Variants in HIC2 observed in about 807,000 individuals in gnomAD.
The protein encoded by HIC2 is hypermethylated in cancer 2 protein.
A neutral mutation model predicts 39.5 loss-of-function variants in HIC2; 2 were observed. The ratio of observed to expected loss-of-function variants is 0.05; its 90% CI spans 0.02 to 0.16. The LOEUF (loss-of-function observed/expected upper bound fraction) is 0.16. Ranked by LOEUF, HIC2 falls within the 10% of genes least tolerant of loss-of-function variation. The pLI is 1.00. For missense variants in HIC2, 713 were observed against 863.5 expected (o/e 0.83, Z 2.18); for synonymous variants, 399 against 368.8 (o/e 1.08, Z -0.94).
rs1923937102 is a variant in HIC2, at chr22:21,447,744, G to A, written c.*1001G>A. 1 of 152,658 alleles carries A rather than the reference G, an allele frequency of 6.6e-6. No individual in the cohort carries two copies. The allele number at this position is 152,658 out of a possible 1,614,324, so 9.5% of individuals were successfully genotyped here. ...GGGGGGAGGCTAGACTCAATGCCGG[G>A]GCCGTCGGTACTCTTGTTTTCATTT... On this transcript the variant is annotated 3_prime_UTR_variant, in exon 3 of 3. Transcript: ENST00000407464.
intron 1 of HIC2, among the ~76,000 whole-genome samples, 186 bp downstream of exon 1, chr22:21,417,746 GC>G (rs1432856547): frequency 8.9e-5 from 13 of 145,460 alleles, no homozygotes; most frequent in African/African-American, 3.2e-4. Context: ...CCCCTGGCAG[GC>G]CCGGGCTTTG....
At position 21,446,213 on chromosome 22, in the gene HIC2, A is replaced by T; in HGVS notation, c.1318A>T (p.Asn440Tyr). 1 of 1,612,358 alleles carries T rather than the reference A, an allele frequency of 6.2e-7. No homozygotes were observed. The highest frequency in any genetic ancestry group is 1.1e-5 in the South Asian group (1 of 91,090). ...EGYETVSYGD[N>Y]LYVCIPCAKG... ...CTACGAGACGGTGTCCTACGGGGAC[A>T]ACTTGTATGTGTGCATTCCCTGCGC... Residue 440 changes from asparagine (N) to tyrosine (Y), a missense_variant, in exon 3 of 3, where the codon AAC becomes TAC. Physicochemically the swap from Asn to Tyr is moderately radical, Grantham distance 143 (BLOSUM62 -2). Transcript: ENST00000407464.
chr22:21,441,297 GCTGACCCAGC>G (rs1923519983), intron 1 of HIC2, among the ~76,000 whole-genome samples: 1 of 151,694 alleles, frequency 6.6e-6, no homozygotes, highest in Non-Finnish European at 1.5e-5. Flanking sequence ...CTACATCACA[GCTGACCCAGC>G]CTGGGGCCAT....
At chr22:21,431,679 C>T (rs1357926650) in intron 1 of HIC2, among the ~76,000 whole-genome samples, 2 of 22,644 alleles carry the variant, frequency 8.8e-5, no homozygotes, top group Admixed American at 1.2e-3. Context: ...CCAATTTTAT[C>T]TGTAAAAATT....
chr22:21,445,344 G>A lies in HIC2; in HGVS notation c.449G>A (p.Arg150Lys), dbSNP rs1294176082. 1 of 1,583,020 alleles carries A rather than the reference G, an allele frequency of 6.3e-7. No individual in the cohort carries two copies. The highest frequency in any genetic ancestry group is 1.2e-5 in the South Asian group (1 of 84,868). ...GCCGGCAAGCCCTTTGGCTCTGGGAGGGCGGGGTCCACTGGCATGGGGCGG... is the reference window on the plus strand; with the variant it reads ...GCCGGCAAGCCCTTTGGCTCTGGGAAGGCGGGGTCCACTGGCATGGGGCGG... ...KRAGKPFGSG[R>K]AGSTGMGRPP... The change falls in exon 3 of 3, where the codon AGG (arginine) becomes AAG (lysine). Residue 150 changes from arginine to lysine, a missense_variant. Around this residue, in one of 5 missense-constraint regions of HIC2, gnomAD observed 457 missense variants for 420.2 expected, o/e 1.09. Transcript: ENST00000407464.
At chr22:21,423,770 G>GACTCA (rs1923144463) in intron 1 of HIC2, among the ~76,000 whole-genome samples, 3 of 93,212 alleles carry the variant, frequency 3.2e-5, no homozygotes, top group Non-Finnish European at 6.3e-5. Flanking sequence ...GCAGTGCTTG[G>GACTCA]GCTGGAGGGC....
At position 21,445,489 on chromosome 22, in the gene HIC2, C is replaced by G. The variant is rs368927322; in HGVS notation, c.594C>G (p.Asp198Glu). 8 of 1,581,932 alleles carry G rather than the reference C, an allele frequency of 5.1e-6. No homozygotes were observed. The African/African-American group carries it at 1.1e-4, about 22-fold the overall frequency. ...PQELPQAKGSDDELFLGGSNQ... is the reference protein window; with the variant it reads ...PQELPQAKGSEDELFLGGSNQ... ...AGCTCCCCCAAGCCAAAGGCTCAGA[C>G]GATGAACTCTTTCTTGGTGGCTCTA... Residue 198 changes from aspartate to glutamate, a missense_variant, in exon 3 of 3, where the codon GAC becomes GAG. Physicochemically the swap from Asp to Glu is conservative, Grantham distance 45. This residue lies in a region of HIC2 where 457 missense variants were observed against 420.2 expected (regional missense o/e 1.09). Transcript: ENST00000407464.
rs1194674657 is a variant in HIC2, at chr22:21,444,969, T to C, written c.74T>C (p.Leu25Pro). Residue 25 changes from leucine (L) to proline (P), a missense_variant, in exon 3 of 3, where the codon CTG (leucine) becomes CCG (proline). Leu to Pro is a moderately conservative substitution (Grantham distance 98, BLOSUM62 -3). Coordinates refer to ENST00000407464, the MANE Select transcript of HIC2 (RefSeq NM_015094.3). ...GRGDMGPDME[L>P]PSHSKQLLLQ... ...GGGGACATGGGGCCCGACATGGAGCTGCCCAGCCACTCGAAGCAGCTCCTG... is the reference window on the plus strand; with the variant it reads ...GGGGACATGGGGCCCGACATGGAGCCGCCCAGCCACTCGAAGCAGCTCCTG... 6.2e-7 allele frequency: 1 copy of C among 1,613,632 alleles called. No homozygotes were observed. The highest frequency in any genetic ancestry group is 2.2e-5 in the East Asian group (1 of 44,886).
At position 21,446,019 on chromosome 22, in the gene HIC2, A is replaced by G. The variant is rs781765159; in HGVS notation, c.1124A>G (p.Asn375Ser). The part of the protein sequence containing the change: ...EGEGVGDRVP[N>S]GILASGAGPS... The stretch of plus-strand genomic sequence containing the variant: ...GAGGGGGTCGGGGACAGGGTTCCCA[A>G]TGGCATCCTGGCTAGTGGGGCTGGC... The change falls in exon 3 of 3, where the codon AAT becomes AGT. Residue 375 changes from asparagine (N) to serine (S), a missense_variant. Asn to Ser is a conservative substitution (Grantham distance 46). Coordinates refer to ENST00000407464, the MANE Select transcript of HIC2 (RefSeq NM_015094.3). 6.3e-7 allele frequency: 1 copy of G among 1,584,302 alleles called. No homozygotes were observed. The highest frequency in any genetic ancestry group is 8.6e-7 in the Non-Finnish European group (1 of 1,167,228).
At position 21,445,957 on chromosome 22, in the gene HIC2, A is replaced by G. The variant is rs770212157; in HGVS notation, c.1062A>G (p.Glu354=). 1 of 1,566,208 alleles carries G rather than the reference A, an allele frequency of 6.4e-7. No homozygotes were observed. Among genetic ancestry groups the G allele is most frequent in the South Asian group, 1.2e-5 (1 of 84,236 alleles). ...PVAGSPFERR[E]AGPKGPCPGE... is the part of the protein sequence containing the mutation. ...CTGGCTCCCCCTTTGAGCGGAGAGA[A>G]GCAGGGCCCAAGGGTCCCTGCCCGG... Residue 354 remains glutamate (E), a synonymous_variant, in exon 3 of 3, where the codon GAA becomes GAG. Transcript: ENST00000407464.
rs1233475922 is a variant in HIC2 at position 21,445,308 on chromosome 22, A to G, written c.413A>G (p.Lys138Arg). ...LPELAALCRR[K>R]LKRAGKPFGS... is the part of the protein sequence containing the mutation. ...GAGTTGGCAGCCCTCTGCCGCCGCAAACTCAAGCGAGCCGGCAAGCCCTTT... is the reference window on the plus strand; with the variant it reads ...GAGTTGGCAGCCCTCTGCCGCCGCAGACTCAAGCGAGCCGGCAAGCCCTTT... The change falls in exon 3 of 3, where the codon AAA (lysine) becomes AGA (arginine). Residue 138 changes from lysine (K) to arginine (R), a missense_variant. This residue lies in a region of HIC2 where 102 missense variants were observed against 187.1 expected (regional missense o/e 0.55). Coordinates refer to ENST00000407464, the MANE Select transcript of HIC2 (RefSeq NM_015094.3). 37 of 1,605,548 alleles carry G rather than the reference A, an allele frequency of 2.3e-5. No individual in the cohort carries two copies. Among genetic ancestry groups the G allele is most frequent in the Non-Finnish European group, 2.9e-5 (34 of 1,176,204 alleles).
Position 21,417,417 on chromosome 22 carries a change from G to A in HIC2, c.-217G>A, listed in dbSNP as rs1405371410. 1 of 141,894 alleles carries A rather than the reference G, an allele frequency of 7.0e-6. No individual in the cohort carries two copies. Among genetic ancestry groups the A allele is most frequent in the African/African-American group, 2.6e-5 (1 of 38,962 alleles). The allele number at this position is 141,894 out of a possible 1,614,324, so 8.8% of individuals were successfully genotyped here. On this transcript the variant is annotated 5_prime_UTR_variant, in exon 1 of 3. Transcript: ENST00000407464. ...GGGCGGGCGGCTGTGAGCGGCGCTCGGGGCGCGCTAGGCGGGGAGCCGAGC... is the reference window on the plus strand; with the variant it reads ...GGGCGGGCGGCTGTGAGCGGCGCTCAGGGCGCGCTAGGCGGGGAGCCGAGC...
rs1305284564 is a variant in HIC2 at position 21,449,322 on chromosome 22, A to G, written c.*2579A>G. ...GGGTTATTGGAGGCCAAGGCGGCTT[A>G]CAGTTCTCTGCGTTCGTCACTTAAT... On this transcript the variant is annotated 3_prime_UTR_variant, in exon 3 of 3. Coordinates refer to ENST00000407464, the MANE Select transcript of HIC2 (RefSeq NM_015094.3). 6.5e-6 allele frequency: 1 copy of G among 152,692 alleles called. No homozygotes were observed. The highest frequency in any genetic ancestry group is 1.5e-5 in the Non-Finnish European group (1 of 68,050). The allele number at this position is 152,692 out of a possible 1,614,324, so 9.5% of individuals were successfully genotyped here.
chr22:21,432,365 ACCCCTTCT>A (rs1923345558), intron 1 of HIC2, among the ~76,000 whole-genome samples: 1 of 85,830 alleles, frequency 1.2e-5, no homozygotes, highest in Non-Finnish European at 2.3e-5. Context: ...GATTTGCAGA[ACCCCTTCT>A]CCTTTAGAAG....
rs888909012 is a variant in HIC2, at chr22:21,443,171, T to C, written c.26+314T>C. Among the ~76,000 whole-genome samples the C allele has an allele frequency of 2.0e-5, 3 of 151,414 alleles. No homozygotes were observed. The South Asian group carries it at 6.3e-4, about 32-fold the overall frequency. ...CTGGTGGGTTGAGGCGGGCAGGGAG[T>C]GGAGGAGGATTGGTTCACGAAGTCT... On this transcript the variant is annotated intron_variant, in intron 2 of 2. Transcript: ENST00000407464.
chr22:21,431,896 C>T (rs1282123869), intron 1 of HIC2, among the ~76,000 whole-genome samples: 2 of 97,368 alleles, frequency 2.1e-5, no homozygotes, highest in African/African-American at 3.7e-5. Context: ...ACGGGAGGAT[C>T]CCTTGAGCCC....
intron 1 of HIC2, among the ~76,000 whole-genome samples, chr22:21,418,078 A>G (rs1922954107): frequency 7.2e-6 from 1 of 138,240 alleles, no homozygotes; most frequent in Non-Finnish European, 1.6e-5. Flanking sequence ...CCGCGGGAAG[A>G]CTGGCCACGG....
At chr22:21,444,025 G>T (rs186755350) in intron 2 of HIC2, among the ~76,000 whole-genome samples, 270 of 152,272 alleles carry the variant, frequency 1.8e-3, no homozygotes, top group African/African-American at 6.2e-3. Context: ...GGGATGGGAA[G>T]CGTGGCGAGG....
rs1007752901 is a variant in HIC2 at position 21,451,300 on chromosome 22, G to A, written c.*4557G>A. 7 of 152,788 alleles carry A rather than the reference G, an allele frequency of 4.6e-5. No individual in the cohort carries two copies. Among genetic ancestry groups the A allele is most frequent in the Admixed American group, 3.9e-4 (6 of 15,276 alleles). 9.5% of individuals were successfully genotyped at this position (152,788 alleles called of 1,614,324 possible). A position where few individuals can be genotyped will look rare whatever the true frequency, so the allele number is the denominator to read the frequency against. On this transcript the variant is annotated 3_prime_UTR_variant, in exon 3 of 3. Coordinates refer to ENST00000407464, the MANE Select transcript of HIC2 (RefSeq NM_015094.3). ...CACATTGAGTTCATGTCCCTTGAGA[G>A]TTTGTATAAATTCAGGTCAGAGCTG...
Sources: gnomAD v4.1 joint callset for allele counts (sites outside exome capture counted in the v4.1 genomes callset) on GRCh38, gnomAD v4.1.1 for gene constraint, gnomAD v4.1.1 regional missense constraint, MANE v1.5 for transcripts, NCBI Gene and HGNC (gene_info 2026-07-23, HGNC 2026-07-21) for gene names.